The following PKD2 variants were observed in gnomAD, a reference collection of about 807,000 sequenced individuals.
PKD2 encodes the protein polycystin-2.
PKD2 carries 48 observed loss-of-function variants against 105.9 expected under a neutral mutation model. The ratio of observed to expected loss-of-function variants is 0.45; its 90% CI spans 0.36 to 0.58. PKD2 has a LOEUF of 0.58. Among genes scored for constraint, PKD2 ranks in the 20% least tolerant of loss-of-function variants. The pLI is 0.00. For missense variants in PKD2, 1,078 were observed against 1,255.3 expected (o/e 0.86, Z 2.13); for synonymous variants, 464 against 481.1 (o/e 0.96, Z 0.46).
At chr4:88,051,394 C>A (rs750509532) in intron 6 of PKD2, among the ~76,000 whole-genome samples, 1 of 152,254 alleles carries the variant, frequency 6.6e-6, no homozygotes, top group Middle Eastern at 3.4e-3. Flanking sequence ...TATTTAACTT[C>A]ATGTGTTTAT....
At chr4:88,009,927 CAG>C (rs1199595183) in intron 1 of PKD2, among the ~76,000 whole-genome samples, 4 of 151,954 alleles carry the variant, frequency 2.6e-5, no homozygotes, top group Non-Finnish European at 5.9e-5. Flanking sequence ...AACTCAATAA[CAG>C]AATATAGAGA....
chr4:88,065,196 G>C (rs1720744656), intron 10 of PKD2, among the ~76,000 whole-genome samples, 178 bp from the exon 11 acceptor site: 1 of 152,190 alleles, frequency 6.6e-6, no homozygotes, highest in Middle Eastern at 3.4e-3. Flanking sequence ...CCATGTAACT[G>C]TTCCACAAGT....
chr4:88,039,895 C>A (rs1025118127), intron 4 of PKD2, among the ~76,000 whole-genome samples: 1 of 152,132 alleles, frequency 6.6e-6, no homozygotes, highest in South Asian at 2.1e-4. Context: ...GAATATGCCA[C>A]CATGCCCAGC....
intron 2 of PKD2, among the ~76,000 whole-genome samples, chr4:88,034,942 G>C (rs553096738): frequency 1.3e-5 from 2 of 152,178 alleles, no homozygotes; most frequent in South Asian, 4.2e-4. Context: ...GACAGTACTT[G>C]GTAAAGTGCT....
At chr4:88,019,779 C>T (rs1467562083) in intron 2 of PKD2, among the ~76,000 whole-genome samples, 1 of 152,136 alleles carries the variant, frequency 6.6e-6, no homozygotes, top group Non-Finnish European at 1.5e-5. Flanking sequence ...AGAGAAGGGA[C>T]GTGATTTGTT....
chr4:88,043,307 G>A lies in PKD2; in HGVS notation c.1169G>A (p.Gly390Asp). The A allele has an allele frequency of 6.2e-7, 1 of 1,613,536 alleles. No homozygotes were observed. The highest frequency in any genetic ancestry group is 8.5e-7 in the Non-Finnish European group (1 of 1,179,496). Residue 390 changes from glycine (G) to aspartate (D), a missense_variant, in exon 5 of 15, where the codon GGC becomes GAC. Coordinates refer to ENST00000237596, the MANE Select transcript of PKD2 (RefSeq NM_000297.4). ...WGIIATYSGA[G>D]YYLDLSRTRE... ...ATCATTGCAACTTATAGTGGAGCTG[G>A]CTATTATCTGGATTTGTCAAGAACA...
At chr4:88,068,763 T>C (rs1420610714) in intron 13 of PKD2, among the ~76,000 whole-genome samples, 5 of 152,186 alleles carry the variant, frequency 3.3e-5, no homozygotes, top group African/African-American at 9.7e-5. Context: ...CTAGTTTGTT[T>C]ACAGTTTTAT....
chr4:88,065,246 C>T (rs1389824892), intron 10 of PKD2, 128 bp from the exon 11 acceptor site: 3 of 799,040 alleles, frequency 3.8e-6, no homozygotes, highest in African/African-American at 1.7e-5. Flanking sequence ...TTCATTCATC[C>T]AGCACGTACT....
chr4:88,038,523 C>T, intron 4 of PKD2, 22 bp downstream of exon 4: 1 of 1,611,234 alleles, frequency 6.2e-7, no homozygotes, highest in South Asian at 1.1e-5. Context: ...TGACTCATTG[C>T]CACTCGGTGA....
At chr4:88,062,527 T>C (rs1720613499) in intron 10 of PKD2, among the ~76,000 whole-genome samples, 1 of 152,240 alleles carries the variant, frequency 6.6e-6, no homozygotes. Flanking sequence ...CTGAGAACTT[T>C]TACTTATGCA....
intron 13 of PKD2, among the ~76,000 whole-genome samples, chr4:88,071,975 C>CTTTTTT (rs1199490302): frequency 2.2e-4 from 19 of 87,120 alleles, no homozygotes; most frequent in East Asian, 4.0e-4. Flanking sequence ...AGAGGCCAGT[C>CTTTTTT]TTTTTTTTTT....
chr4:88,029,980 G>A (rs1727087709), intron 2 of PKD2, among the ~76,000 whole-genome samples: 1 of 152,134 alleles, frequency 6.6e-6, no homozygotes, highest in South Asian at 2.1e-4. Context: ...TTTACAGTAG[G>A]ACACCCCATG....
intron 7 of PKD2, among the ~76,000 whole-genome samples, chr4:88,054,166 C>T (rs750246597): frequency 6.6e-5 from 10 of 151,604 alleles, no homozygotes; most frequent in East Asian, 1.9e-4. Flanking sequence ...GAGGCTGAGG[C>T]GGGCAGATCA....
chr4:88,074,679 A>T, intron 13 of PKD2, 133 bp from the exon 14 acceptor site: 1 of 948,950 alleles, frequency 1.1e-6, no homozygotes, highest in Non-Finnish European at 1.7e-6. Context: ...GTAAAGCTTG[A>T]GACAACTTAG....
rs1331921848 is a variant in PKD2 at position 88,043,291 on chromosome 4, A to G, written c.1153A>G (p.Thr385Ala). 4.3e-6 allele frequency: 7 copies of G among 1,613,620 alleles called. No homozygotes were observed. Among genetic ancestry groups the G allele is most frequent in the South Asian group, 2.2e-5 (2 of 91,084 alleles). Residue 385 changes from threonine to alanine, a missense_variant, in exon 5 of 15, where the codon ACT becomes GCT. Physicochemically the swap from Thr to Ala is moderately conservative, Grantham distance 58 (BLOSUM62 0). Transcript: ENST00000237596. ...NGSSHWGIIATYSGAGYYLDL... is the reference protein window; with the variant it reads ...NGSSHWGIIAAYSGAGYYLDL... ...TAGTAGCCACTGGGGAATCATTGCA[A>G]CTTATAGTGGAGCTGGCTATTATCT... is the stretch of plus-strand genomic sequence containing the variant.
chr4:88,051,651 CAGAA>C (rs900232127), intron 6 of PKD2, among the ~76,000 whole-genome samples: 62 of 152,300 alleles, frequency 4.1e-4, no homozygotes, highest in African/African-American at 1.4e-3. Context: ...GCAGAAAAAA[CAGAA>C]AGCATTCCTC....
chr4:88,074,845 C>T lies in PKD2; in HGVS notation c.2556C>T (p.Ser852=). ...LVRRVDRMEH[S]IGSIVSKIDA... is the part of the protein sequence containing the mutation. ...GACGAGTGGACCGGATGGAGCATTC[C>T]ATCGGCAGCATAGTGTCCAAGATTG... Residue 852 remains serine, a synonymous_variant, in exon 14 of 15, where the codon TCC becomes TCT. Transcript: ENST00000237596. 6.2e-7 allele frequency: 1 copy of T among 1,614,072 alleles called. No homozygotes were observed. Among genetic ancestry groups the T allele is most frequent in the African/African-American group, 1.3e-5 (1 of 75,042 alleles).
At chr4:88,027,188 G>A (rs150671828) in intron 2 of PKD2, among the ~76,000 whole-genome samples, 465 of 152,294 alleles carry the variant, frequency 3.1e-3, no homozygotes, top group Middle Eastern at 0.01. Flanking sequence ...TGCACTCTGC[G>A]CTTAGAAAAG....
At chr4:88,075,009 T>C in intron 14 of PKD2, 50 bp downstream of exon 14, 2 of 1,587,162 alleles carry the variant, frequency 1.3e-6, no homozygotes, top group East Asian at 2.2e-5. Flanking sequence ...GTGTTATTAA[T>C]GAAAATATAT....
Sources: gnomAD v4.1 joint callset for allele counts (sites outside exome capture counted in the v4.1 genomes callset) on GRCh38, gnomAD v4.1.1 for gene constraint, MANE v1.5 for transcripts, NCBI Gene and HGNC (gene_info 2026-07-23, HGNC 2026-07-21) for gene names.